Variants in POLG observed in about 807,000 individuals in gnomAD.
POLG encodes the protein DNA polymerase gamma, catalytic subunit.
POLG carries 110 observed loss-of-function variants against 155.4 expected under a neutral mutation model. That is an observed-to-expected ratio of 0.71 (90% confidence interval 0.61 to 0.83). The LOEUF (loss-of-function observed/expected upper bound fraction) is 0.83. Among genes scored for constraint, POLG ranks in the 40% least tolerant of loss-of-function variants. The probability of loss-of-function intolerance (pLI) is 0.00; values close to 1 mark genes in which losing one functional copy is unlikely to be tolerated. For synonymous variants in POLG, 701 were observed against 631.5 expected (o/e 1.11, Z -1.65); for missense variants, 1,685 against 1,627.5 (o/e 1.04, Z -0.61).
At chr15:89,322,711 G>A (rs2055413917) in intron 14 of POLG, 31 bp downstream of exon 14, 1 of 1,608,682 alleles carries the variant, frequency 6.2e-7, no homozygotes, top group South Asian at 1.1e-5. Flanking sequence ...GAGGGGAAAG[G>A]CATCCCAGGA....
chr15:89,326,788 AAG>A, intron 8 of POLG, 50 bp from the exon 9 acceptor site: 1 of 1,613,336 alleles, frequency 6.2e-7, no homozygotes, highest in Non-Finnish European at 8.5e-7. Flanking sequence ...AACTCTCAAT[AAG>A]ATCTGCTCCC....
chr15:89,317,224 A>G (rs2055301370), intron 22 of POLG, 152 bp downstream of exon 22: 1 of 702,590 alleles, frequency 1.4e-6, no homozygotes, highest in East Asian at 2.7e-5. Flanking sequence ...TTCACTCTGG[A>G]CACAGGGCAC....
chr15:89,333,963 G>A (rs1690019055), intron 1 of POLG, 50 bp from the exon 2 acceptor site: 15 of 611,126 alleles, frequency 2.5e-5, no homozygotes, highest in South Asian at 3.9e-5. Flanking sequence ...TATGTAATAG[G>A]TGTATCCATA....
In POLG at chr15:89,324,224, G is replaced by T; in HGVS notation, c.1953C>A (p.Ala651=). The stretch of plus-strand genomic sequence containing the variant: ...AGTGCTTCCTGTACAGGGACTCGAT[G>T]GCTCTGGGCAGAGAACAGTAGCAGC... The part of the protein sequence containing the change: ...ESAGVVCPYR[A]IESLYRKHCL... Residue 651 remains alanine (A), a synonymous_variant, in exon 11 of 23, where the codon GCC becomes GCA. Coordinates refer to ENST00000268124, the MANE Select transcript of POLG (RefSeq NM_002693.3). 1 of 1,612,566 alleles carries T rather than the reference G, an allele frequency of 6.2e-7. No homozygotes were observed.
chr15:89,325,223 A>AGAGTGAGTGAGAGAGT (rs1225346693), intron 10 of POLG, among the ~76,000 whole-genome samples: 1 of 38,648 alleles, frequency 2.6e-5, no homozygotes. Flanking sequence ...AGTGAGTGAG[A>AGAGTGAGTGAGAGAGT]GAGTGAGTGA....
Position 89,333,099 on chromosome 15 carries a change from G to A in POLG, c.656C>T (p.Ala219Val), listed in dbSNP as rs1245083459. 1 of 1,515,660 alleles carries A rather than the reference G, an allele frequency of 6.6e-7. No homozygotes were observed. The highest frequency in any genetic ancestry group is 1.4e-5 in the African/African-American group (1 of 71,666). The allele number at this position is 1,515,660 out of a possible 1,614,324, so 93.9% of individuals were successfully genotyped here. A position where few individuals can be genotyped will look rare whatever the true frequency, so the allele number is the denominator to read the frequency against. ...CCCCAACCCTGCCCCTACTTACCAG[G>A]CCGAGGGGGATATGGCCACCGCCAA... ...PTLAVAISPS[A>V]WYSWCSQRLV... Residue 219 changes from alanine (A) to valine (V), a missense_variant, in exon 2 of 23, where the codon GCC becomes GTC. Coordinates refer to ENST00000268124, the MANE Select transcript of POLG (RefSeq NM_002693.3).
chr15:89,327,212 A>G lies in POLG; in HGVS notation c.1388T>C (p.Leu463Ser). ...EELQREMKKS[L>S]MDLANDACQL... Reference sequence around the variant, plus strand: ...GCAGGCATCATTGGCCAGATCCATCAACGACTTCTTCATCTCCCGCTGGAG... The same window carrying G: ...GCAGGCATCATTGGCCAGATCCATCGACGACTTCTTCATCTCCCGCTGGAG... Residue 463 changes from leucine (L) to serine (S), a missense_variant, in exon 7 of 23, where the codon TTG (leucine) becomes TCG (serine). Around this residue, in one of 3 missense-constraint regions of POLG, gnomAD observed 1,210 missense variants for 1,167.1 expected, o/e 1.04. Coordinates refer to ENST00000268124, the MANE Select transcript of POLG (RefSeq NM_002693.3). 1 of 1,614,190 alleles carries G rather than the reference A, an allele frequency of 6.2e-7. No homozygotes were observed. The highest frequency in any genetic ancestry group is 8.5e-7 in the Non-Finnish European group (1 of 1,180,024).
chr15:89,323,795 CA>C lies in POLG; in HGVS notation c.2157+19del. 1 of 1,604,618 alleles carries C rather than the reference CA, an allele frequency of 6.2e-7. No individual in the cohort carries two copies. The highest frequency in any genetic ancestry group is 8.5e-7 in the Non-Finnish European group (1 of 1,171,428). On this transcript the variant is annotated intron_variant, in intron 12 of 22. Transcript: ENST00000268124. Reference sequence around the variant, plus strand: ...CCACCCAGCACCCACCTAGAGAACCCAAGCCGGCGCACTGCTCACCAGAGCT... The same window carrying C: ...CCACCCAGCACCCACCTAGAGAACCCAGCCGGCGCACTGCTCACCAGAGCT...
chr15:89,322,215 G>A (rs1430696603), intron 14 of POLG, among the ~76,000 whole-genome samples, 200 bp from the exon 15 acceptor site: 1 of 152,208 alleles, frequency 6.6e-6, no homozygotes, highest in African/African-American at 2.4e-5. Context: ...AAACCATCTG[G>A]GAACCGGCCA....
chr15:89,325,339 C>T, intron 10 of POLG, 111 bp downstream of exon 10: 1 of 735,346 alleles, frequency 1.4e-6, no homozygotes, highest in Non-Finnish European at 2.4e-6. Flanking sequence ...GTTTTCCCTT[C>T]TTCTGAACCC....
intron 13 of POLG, 68 bp downstream of exon 13, chr15:89,323,336 G>T: frequency 1.0e-6 from 1 of 979,980 alleles, no homozygotes. Flanking sequence ...GTGTCACTCT[G>T]AAGGCCTGCT....
chr15:89,332,942 C>G (rs1268328114), intron 2 of POLG, among the ~76,000 whole-genome samples, 154 bp downstream of exon 2: 1 of 152,180 alleles, frequency 6.6e-6, no homozygotes, highest in African/African-American at 2.4e-5. Flanking sequence ...GAAAGTGAGT[C>G]CCACATAAAC....
intron 2 of POLG, 89 bp downstream of exon 2, chr15:89,333,006 CG>C: frequency 6.8e-7 from 1 of 1,478,944 alleles, no homozygotes; most frequent in South Asian, 1.5e-5. Context: ...GCACCCAGCC[CG>C]TAACAGGACC....
chr15:89,324,380 G>C, intron 10 of POLG, 153 bp from the exon 11 acceptor site: 1 of 856,268 alleles, frequency 1.2e-6, no homozygotes, highest in Middle Eastern at 2.3e-4. Flanking sequence ...GTTTTAGACA[G>C]GGATTGATTG....
At position 89,318,684 on chromosome 15, in the gene POLG, A is replaced by G. The variant is rs1458752535; in HGVS notation, c.3339T>C (p.Leu1113=). ...CTTCAAACAGCCACTTCATGGCCACAAGCATGAGGTGTAAGTAGTCAACAG... is the reference window on the plus strand; with the variant it reads ...CTTCAAACAGCCACTTCATGGCCACGAGCATGAGGTGTAAGTAGTCAACAG... The part of the protein sequence containing the change: ...SSAVDYLHLM[L]VAMKWLFEEF... The change falls in exon 21 of 23, where the codon CTT becomes CTC. Residue 1113 remains leucine (L), a synonymous_variant. Coordinates refer to ENST00000268124, the MANE Select transcript of POLG (RefSeq NM_002693.3). The G allele has an allele frequency of 9.3e-6, 15 of 1,614,166 alleles. No homozygotes were observed. The highest frequency in any genetic ancestry group is 1.3e-5 in the Non-Finnish European group (15 of 1,179,996).
chr15:89,317,515 C>A lies in POLG; in HGVS notation c.3504G>T (p.Leu1168=). 6.2e-7 allele frequency: 1 copy of A among 1,614,166 alleles called. No homozygotes were observed. The highest frequency in any genetic ancestry group is 8.5e-7 in the Non-Finnish European group (1 of 1,180,024). The part of the protein sequence containing the change: ...LLTRCMFAYK[L]GLNDLPQSVA... The stretch of plus-strand genomic sequence containing the variant: ...CTGACTGGGGCAAGTCATTCAGACC[C>A]AGCTTGTAGGCAAACATGCACCTGA... Residue 1168 remains leucine, a synonymous_variant, in exon 22 of 23, where the codon CTG becomes CTT. Coordinates refer to ENST00000268124, the MANE Select transcript of POLG (RefSeq NM_002693.3).
At chr15:89,324,280 G>A in intron 10 of POLG, 53 bp from the exon 11 acceptor site, 1 of 1,601,188 alleles carries the variant, frequency 6.2e-7, no homozygotes, top group Non-Finnish European at 8.5e-7. Flanking sequence ...TGCCCACTCT[G>A]GGCCAGGCAG....
rs2055476206 is a variant in POLG at position 89,325,141 on chromosome 15, A to AGT, written c.1949+308_1949+309insAC. 1.6e-4 allele frequency among the ~76,000 whole-genome samples: 10 copies of AGT among 63,796 alleles called. 2 individuals carry two copies. The highest frequency in any genetic ancestry group is 2.0e-4 in the Non-Finnish European group (6 of 30,026). The allele number at this position is 63,796 out of a possible 152,430, so 41.9% of individuals were successfully genotyped here. A position where few individuals can be genotyped will look rare whatever the true frequency, so the allele number is the denominator to read the frequency against. Reference sequence around the variant, plus strand: ...GAGTGAGTGAGTGAGAGAGTGAGTGAGAGAGTGAGTGAGTGAGTGAGTGAG... The same window carrying AGT: ...GAGTGAGTGAGTGAGAGAGTGAGTGAGTGAGAGTGAGTGAGTGAGTGAGTGAG... On this transcript the variant is annotated intron_variant, in intron 10 of 22. Transcript: ENST00000268124.
At chr15:89,316,968 G>T in intron 22 of POLG, 141 bp from the exon 23 acceptor site, 1 of 700,616 alleles carries the variant, frequency 1.4e-6, no homozygotes. Flanking sequence ...AATGTTACAT[G>T]TTAGGAGGGT....
Sources: gnomAD v4.1 joint callset for allele counts (sites outside exome capture counted in the v4.1 genomes callset) on GRCh38, gnomAD v4.1.1 for gene constraint, gnomAD v4.1.1 regional missense constraint, MANE v1.5 for transcripts, NCBI Gene and HGNC (gene_info 2026-07-23, HGNC 2026-07-21) for gene names.